The following ZNF730 variants were observed in gnomAD, a reference collection of about 807,000 sequenced individuals.
The protein encoded by ZNF730 is putative zinc finger protein 730.
A neutral mutation model predicts 12.6 loss-of-function variants in ZNF730; 12 were observed. That is an observed-to-expected ratio of 0.95 (90% CI 0.61 to 1.54). The LOEUF (loss-of-function observed/expected upper bound fraction) is 1.54. Ranked by LOEUF, ZNF730 falls within the 40% of genes most tolerant of loss-of-function variation. The probability of loss-of-function intolerance (pLI) is 0.00; values close to 1 mark genes in which losing one functional copy is unlikely to be tolerated. For missense variants in ZNF730, 643 were observed against 583.5 expected, an observed-to-expected ratio of 1.10 and a Z score of -1.05; for synonymous variants, 194 against 195.8, an observed-to-expected ratio of 0.99 and a Z score of 0.08.
chr19:23,120,016 G>A (rs542778469), intron 1 of ZNF730, among the ~76,000 whole-genome samples: 160 of 145,290 alleles, frequency 1.1e-3, no homozygotes, highest in Non-Finnish European at 1.4e-3. Flanking sequence ...TTTTTCTCAG[G>A]CAGAGCCTCG....
chr19:23,131,689 A>G (rs1970744415), intron 1 of ZNF730, among the ~76,000 whole-genome samples: 1 of 152,228 alleles, frequency 6.6e-6, no homozygotes, highest in African/African-American at 2.4e-5. Flanking sequence ...TAATGACCCC[A>G]GGTGGAGAAA....
chr19:23,088,567 G>T (rs779820002), intron 1 of ZNF730, among the ~76,000 whole-genome samples: 10 of 151,124 alleles, frequency 6.6e-5, no homozygotes, highest in East Asian at 2.0e-4. Flanking sequence ...GGGCTCAAGA[G>T]ATTCTCCCAC....
chr19:23,078,130 ACCTGACCGTCCCCCAG>A (rs1229907126), intron 1 of ZNF730, among the ~76,000 whole-genome samples: 1 of 152,046 alleles, frequency 6.6e-6, no homozygotes, highest in Non-Finnish European at 1.5e-5. Context: ...GAAGGGAAAG[ACCTGACCGTCCCCCAG>A]CCTGACATGG....
At position 23,087,082 on chromosome 19, in the gene ZNF730, C is replaced by T. The variant is rs114779586; in HGVS notation, c.-94+11695C>T. 5.5e-3 allele frequency among the ~76,000 whole-genome samples: 832 copies of T among 152,218 alleles called. 5 individuals are homozygous for T. Among genetic ancestry groups the T allele is most frequent in the African/African-American group, 0.019 (794 of 41,542 alleles). On this transcript the variant is annotated intron_variant, in intron 1 of 2. Transcript: ENST00000593635. ...ATGTGAGTTTGTTCGTGATTTGGCT[C>T]TCAGCTTGACTGTCATTAATGTAAA...
chr19:23,114,535 G>GT (rs1200971274), upstream of ZNF730, among the ~76,000 whole-genome samples: 3 of 148,986 alleles, frequency 2.0e-5, no homozygotes, highest in Non-Finnish European at 4.4e-5. Flanking sequence ...TTTATTTTTA[G>GT]TAGAGACGGA....
chr19:23,124,328 A>T (rs1396345171), intron 1 of ZNF730, among the ~76,000 whole-genome samples: 1 of 152,226 alleles, frequency 6.6e-6, no homozygotes, highest in Non-Finnish European at 1.5e-5. Flanking sequence ...GGAGTGAAAG[A>T]TCAAGGCTAC....
At chr19:23,081,491 T>C (rs1303266122) in intron 1 of ZNF730, among the ~76,000 whole-genome samples, 1 of 152,100 alleles carries the variant, frequency 6.6e-6, no homozygotes, top group Non-Finnish European at 1.5e-5. Context: ...ACCTGATCTT[T>C]GTAGTTTTAG....
At chr19:23,139,676 C>T (rs1970886169) in intron 3 of ZNF730, among the ~76,000 whole-genome samples, 1 of 152,152 alleles carries the variant, frequency 6.6e-6, no homozygotes, top group South Asian at 2.1e-4. Context: ...AGGCACCTGC[C>T]ACCATGCCTG....
upstream of ZNF730, among the ~76,000 whole-genome samples, chr19:23,115,381 C>T (rs1168413888): frequency 1.3e-5 from 2 of 152,132 alleles, no homozygotes; most frequent in Non-Finnish European, 2.9e-5. Flanking sequence ...GCAGAAATTG[C>T]AGCAATTTTT....
At chr19:23,080,327 C>A (rs919967985) in intron 1 of ZNF730, among the ~76,000 whole-genome samples, 1 of 151,832 alleles carries the variant, frequency 6.6e-6, no homozygotes, top group Non-Finnish European at 1.5e-5. Context: ...TTTGCCTTGA[C>A]TATGGGATAT....
chr19:23,094,435 G>A (rs1970216534), intron 1 of ZNF730, among the ~76,000 whole-genome samples: 1 of 151,158 alleles, frequency 6.6e-6, no homozygotes, highest in African/African-American at 2.4e-5. Flanking sequence ...AGATAGGTAG[G>A]TAGGTAGGTG....
In ZNF730 at chr19:23,077,722, G is replaced by A. The variant is rs147172938; in HGVS notation, c.-94+2335G>A. 5.3e-4 allele frequency among the ~76,000 whole-genome samples: 81 copies of A among 152,218 alleles called. 1 individual carries two copies. Among genetic ancestry groups the A allele is most frequent in the African/African-American group, 1.9e-3 (80 of 41,538 alleles). On this transcript the variant is annotated intron_variant, in intron 1 of 2. Transcript: ENST00000593635. ...CTCCCAAAGTGCTGGGGTTACAGGC[G>A]TGAGGCACCACGCCCAGTCTGTGTG... is the stretch of plus-strand genomic sequence containing the variant.
intron 1 of ZNF730, among the ~76,000 whole-genome samples, chr19:23,118,934 A>T (rs1226866988): frequency 6.6e-6 from 1 of 152,168 alleles, no homozygotes; most frequent in Non-Finnish European, 1.5e-5. Flanking sequence ...CTATCCTGTT[A>T]TCTTAATTTC....
chr19:23,120,693 T>C (rs1970588002), intron 1 of ZNF730, among the ~76,000 whole-genome samples: 1 of 152,174 alleles, frequency 6.6e-6, no homozygotes, highest in African/African-American at 2.4e-5. Context: ...TGACTTTTCA[T>C]GTCTAAATCT....
intron 1 of ZNF730, among the ~76,000 whole-genome samples, chr19:23,085,867 ATG>A (rs1970056123): frequency 2.2e-5 from 1 of 46,510 alleles, no homozygotes; most frequent in African/African-American, 1.2e-4. Context: ...TTTTTTTGAG[ATG>A]GAGTCTCGCT....
chr19:23,098,147 A>C (rs78034709), intron 1 of ZNF730, among the ~76,000 whole-genome samples: 1 of 142,770 alleles, frequency 7.0e-6, no homozygotes, highest in Non-Finnish European at 1.5e-5. Flanking sequence ...CTGTCTCAAG[A>C]AAAAAAAAAA....
intron 1 of ZNF730, among the ~76,000 whole-genome samples, chr19:23,119,992 CTTTTT>C (rs539722897): frequency 1.5e-5 from 2 of 132,580 alleles, no homozygotes; most frequent in African/African-American, 2.7e-5. Flanking sequence ...CACTTTCTTT[CTTTTT>C]TTTTTTTTTT....
chr19:23,127,897 A>T, intron 1 of ZNF730: 1 of 673,858 alleles, frequency 1.5e-6, no homozygotes, highest in Non-Finnish European at 2.7e-6. Context: ...ATATGCTCGT[A>T]AACTGCCAAA....
intron 1 of ZNF730, among the ~76,000 whole-genome samples, chr19:23,106,056 G>T (rs538413471): frequency 6.6e-6 from 1 of 152,210 alleles, no homozygotes; most frequent in South Asian, 2.1e-4. Context: ...CAGCATGTTG[G>T]GAGGCTGAGG....
Sources: gnomAD v4.1 joint callset for allele counts (sites outside exome capture counted in the v4.1 genomes callset) on GRCh38, gnomAD v4.1.1 for gene constraint, MANE v1.5 for transcripts, NCBI Gene and HGNC (gene_info 2026-07-23, HGNC 2026-07-21) for gene names.